The following LRP1B variants were observed in gnomAD, a reference collection of about 807,000 sequenced individuals.
LRP1B encodes the protein low-density lipoprotein receptor-related protein 1B.
In LRP1B, 217 loss-of-function variants were observed where a neutral mutation model predicts 556.6. The ratio of observed to expected loss-of-function variants is 0.39; its 90% confidence interval spans 0.35 to 0.44. The LOEUF (loss-of-function observed/expected upper bound fraction) is 0.44. LRP1B is among the 20% of genes least tolerant of loss of function. The pLI is 1.00. For synonymous variants in LRP1B, 2,047 were observed against 1,865.8 expected (o/e 1.10, Z -2.50); for missense variants, 5,053 against 5,620.8 (o/e 0.90, Z 3.23).
At chr2:140,721,279 G>A (rs1305359737) in intron 35 of LRP1B, among the ~76,000 whole-genome samples, 1 of 151,942 alleles carries the variant, frequency 6.6e-6, no homozygotes, top group African/African-American at 2.4e-5. Flanking sequence ...TTCTAAAAAT[G>A]ATAAAGCATA....
intron 2 of LRP1B, among the ~76,000 whole-genome samples, chr2:141,689,001 A>G (rs1691415994): frequency 6.6e-6 from 1 of 151,870 alleles, no homozygotes; most frequent in Non-Finnish European, 1.5e-5. Flanking sequence ...ATAAAATGAC[A>G]AAAATCAGAA....
chr2:141,180,133 G>C (rs1290448525), intron 7 of LRP1B, among the ~76,000 whole-genome samples: 4 of 151,496 alleles, frequency 2.6e-5, no homozygotes, highest in Admixed American at 6.6e-5. Context: ...TTAGCATTTT[G>C]TTTGTTGTTT....
chr2:141,741,670 G>A (rs1052599960), intron 2 of LRP1B, among the ~76,000 whole-genome samples: 2 of 152,022 alleles, frequency 1.3e-5, no homozygotes, highest in Non-Finnish European at 1.5e-5. Context: ...AGTTGTTTGA[G>A]TTCCTTACAT....
chr2:141,032,300 A>G (rs1487325289), intron 11 of LRP1B, among the ~76,000 whole-genome samples: 1 of 152,092 alleles, frequency 6.6e-6, no homozygotes. Flanking sequence ...ATTGTTTCCA[A>G]TTTATGATTA....
At chr2:140,304,558 C>G (rs889866726) in intron 83 of LRP1B, among the ~76,000 whole-genome samples, 1 of 152,062 alleles carries the variant, frequency 6.6e-6, no homozygotes, top group Admixed American at 6.6e-5. Flanking sequence ...GATTGTAGCA[C>G]TTTGTCGGAT....
chr2:140,302,083 C>G (rs957146219), intron 83 of LRP1B, among the ~76,000 whole-genome samples: 1 of 152,028 alleles, frequency 6.6e-6, no homozygotes, highest in East Asian at 1.9e-4. Context: ...CAGTGGCTTC[C>G]GAAACACTAG....
intron 5 of LRP1B, among the ~76,000 whole-genome samples, chr2:141,242,602 T>C (rs774106539): frequency 1.3e-5 from 2 of 152,108 alleles, no homozygotes; most frequent in African/African-American, 2.4e-5. Flanking sequence ...AATCCTGAAG[T>C]TTTTTAATAG....
intron 14 of LRP1B, among the ~76,000 whole-genome samples, chr2:141,011,592 T>C (rs1697751805): frequency 6.6e-6 from 1 of 152,054 alleles, no homozygotes; most frequent in Non-Finnish European, 1.5e-5. Flanking sequence ...ATCAATTTAT[T>C]AATTCACCTA....
chr2:141,449,559 T>C (rs1170774713), intron 3 of LRP1B, among the ~76,000 whole-genome samples: 1 of 152,162 alleles, frequency 6.6e-6, no homozygotes, highest in Non-Finnish European at 1.5e-5. Context: ...CTACATATTC[T>C]AATTGTGTTG....
chr2:140,922,914 G>C (rs1251190467), intron 21 of LRP1B, 51 bp downstream of exon 21: 10 of 1,505,742 alleles, frequency 6.6e-6, no homozygotes, highest in Non-Finnish European at 9.1e-6. Flanking sequence ...GAGCCAAAAG[G>C]ACTCCACACT....
At chr2:141,900,035 G>A (rs1269914623) in intron 1 of LRP1B, among the ~76,000 whole-genome samples, 1 of 152,006 alleles carries the variant, frequency 6.6e-6, no homozygotes, top group Non-Finnish European at 1.5e-5. Context: ...ATTACATGGG[G>A]CAATTTGTGT....
intron 5 of LRP1B, among the ~76,000 whole-genome samples, chr2:141,231,572 ATAGCACG>A (rs571545411): frequency 1.3e-3 from 202 of 152,218 alleles, no homozygotes; most frequent in African/African-American, 4.7e-3. Flanking sequence ...TGCAGCTTAT[ATAGCACG>A]TAGCACGTTC....
chr2:140,997,744 T>A (rs1697293753), intron 15 of LRP1B, among the ~76,000 whole-genome samples: 1 of 152,000 alleles, frequency 6.6e-6, no homozygotes, highest in African/African-American at 2.4e-5. Flanking sequence ...ATTGCCTCTT[T>A]ATTTGAGCAG....
chr2:141,945,207 T>A (rs1373401995), intron 1 of LRP1B, among the ~76,000 whole-genome samples: 2 of 152,044 alleles, frequency 1.3e-5, no homozygotes, highest in Non-Finnish European at 2.9e-5. Context: ...AAAGCTAACA[T>A]CTCTGTTTTC....
chr2:141,389,114 A>T (rs1376041913), intron 3 of LRP1B, among the ~76,000 whole-genome samples: 3 of 152,194 alleles, frequency 2.0e-5, no homozygotes, highest in Non-Finnish European at 4.4e-5. Context: ...TTTTTTACAG[A>T]AATAGAAAAG....
intron 1 of LRP1B, among the ~76,000 whole-genome samples, chr2:141,953,561 T>A (rs1701168832): frequency 6.6e-6 from 1 of 152,104 alleles, no homozygotes; most frequent in Non-Finnish European, 1.5e-5. Flanking sequence ...GGATTTTTAC[T>A]TTGTGAGCAC....
chr2:140,319,989 C>CACTA (rs1362007172), intron 82 of LRP1B, among the ~76,000 whole-genome samples: 2 of 152,142 alleles, frequency 1.3e-5, no homozygotes, highest in East Asian at 1.9e-4. Flanking sequence ...CACTTCTACA[C>CACTA]ACTAACTAAA....
At chr2:141,791,669 G>T (rs1186657982) in intron 2 of LRP1B, among the ~76,000 whole-genome samples, 1 of 151,884 alleles carries the variant, frequency 6.6e-6, no homozygotes, top group African/African-American at 2.4e-5. Context: ...GGTGATTTTC[G>T]AAATGATTAA....
intron 15 of LRP1B, among the ~76,000 whole-genome samples, chr2:140,995,428 A>G (rs1558789141): frequency 6.6e-6 from 1 of 152,046 alleles, no homozygotes; most frequent in Admixed American, 6.6e-5. Flanking sequence ...AACTTCGAAG[A>G]TTTATTTTAA....
Sources: gnomAD v4.1 joint callset for allele counts (sites outside exome capture counted in the v4.1 genomes callset) on GRCh38, gnomAD v4.1.1 for gene constraint, MANE v1.5 for transcripts, NCBI Gene and HGNC (gene_info 2026-07-23, HGNC 2026-07-21) for gene names.